SLC1A3: variants seen among roughly 807,000 people sequenced by gnomAD.
SLC1A3 encodes the protein solute carrier family 1 member 3, also known as excitatory amino acid transporter 1.
SLC1A3 carries 21 observed loss-of-function variants against 48.1 expected under a neutral mutation model. The ratio of observed to expected loss-of-function variants is 0.44; its 90% CI spans 0.31 to 0.63. The LOEUF is 0.63. Ranked by LOEUF, SLC1A3 falls within the 20% of genes least tolerant of loss-of-function variation. SLC1A3 has a pLI of 0.08. For missense variants in SLC1A3, 546 were observed against 689.0 expected, an observed-to-expected ratio of 0.79 and a Z score of 2.32; for synonymous variants, 239 against 251.4, an observed-to-expected ratio of 0.95 and a Z score of 0.47.
At chr5:36,600,256 G>A (rs1323694406) in intron 1 of SLC1A3, among the ~76,000 whole-genome samples, 3 of 152,076 alleles carry the variant, frequency 2.0e-5, no homozygotes, top group African/African-American at 7.3e-5. Flanking sequence ...CAGGTTTAGA[G>A]CTGATGTGTC....
chr5:36,631,571 C>T (rs184011484), intron 3 of SLC1A3, among the ~76,000 whole-genome samples: 5 of 152,276 alleles, frequency 3.3e-5, no homozygotes, highest in Admixed American at 3.3e-4. Flanking sequence ...ACTTTTAAAA[C>T]TGTAACCTAA....
intron 2 of SLC1A3, among the ~76,000 whole-genome samples, chr5:36,610,345 A>C (rs1739143011): frequency 6.6e-6 from 1 of 152,222 alleles, no homozygotes; most frequent in Non-Finnish European, 1.5e-5. Flanking sequence ...AAGAAAACTT[A>C]CAGTTCTCCT....
At chr5:36,632,142 G>A (rs1037668235) in intron 3 of SLC1A3, among the ~76,000 whole-genome samples, 1 of 152,144 alleles carries the variant, frequency 6.6e-6, no homozygotes, top group Non-Finnish European at 1.5e-5. Context: ...AACGGAGAGG[G>A]ACCCAACTAC....
chr5:36,623,578 G>A (rs951766934), intron 2 of SLC1A3, among the ~76,000 whole-genome samples: 7 of 151,806 alleles, frequency 4.6e-5, no homozygotes, highest in Non-Finnish European at 8.8e-5. Context: ...GGTTGTGGCC[G>A]GGAGAGGTGG....
chr5:36,668,557 TC>T (rs1390472738), intron 3 of SLC1A3: 3 of 152,156 alleles, frequency 2.0e-5, no homozygotes, highest in Non-Finnish European at 2.9e-5. Flanking sequence ...TGAATATACC[TC>T]CCTTACCTTT....
intron 3 of SLC1A3, 84 bp downstream of exon 3, chr5:36,629,671 G>T: frequency 3.4e-6 from 4 of 1,183,508 alleles, no homozygotes; most frequent in Non-Finnish European, 3.8e-6. Flanking sequence ...AGTGCTTTAG[G>T]TTTCTGCTGG....
intron 2 of SLC1A3, chr5:36,613,486 T>C (rs1367641219): frequency 6.6e-6 from 1 of 152,312 alleles, no homozygotes; most frequent in Non-Finnish European, 1.5e-5. Flanking sequence ...TGAACTGACC[T>C]GGTAGTGGGA....
At chr5:36,640,328 C>G (rs1309621423) in intron 3 of SLC1A3, among the ~76,000 whole-genome samples, 1 of 152,196 alleles carries the variant, frequency 6.6e-6, no homozygotes. Context: ...TGGTGAAGAT[C>G]CTTGCAATAA....
chr5:36,660,345 T>G (rs1379626709), intron 3 of SLC1A3, among the ~76,000 whole-genome samples: 1 of 152,208 alleles, frequency 6.6e-6, no homozygotes, highest in Non-Finnish European at 1.5e-5. Context: ...TCTTGTATAA[T>G]TTTTGGGATT....
At chr5:36,598,158 A>T (rs1378518462) in intron 1 of SLC1A3, among the ~76,000 whole-genome samples, 2 of 152,220 alleles carry the variant, frequency 1.3e-5, no homozygotes, top group Admixed American at 1.3e-4. Context: ...GTGCAAGCGG[A>T]CTAGGGTAGA....
At chr5:36,598,399 C>T (rs1209923372) in intron 1 of SLC1A3, among the ~76,000 whole-genome samples, 1 of 152,060 alleles carries the variant, frequency 6.6e-6, no homozygotes, top group African/African-American at 2.4e-5. Flanking sequence ...TTACCATTAG[C>T]CATAAACTTC....
intron 2 of SLC1A3, among the ~76,000 whole-genome samples, chr5:36,618,037 G>C (rs917736232): frequency 1.6e-4 from 24 of 152,190 alleles, no homozygotes; most frequent in Non-Finnish European, 2.9e-4. Flanking sequence ...CTCTGCCAAA[G>C]GTAAGCATGA....
At chr5:36,651,114 A>G (rs1741042456) in intron 3 of SLC1A3, among the ~76,000 whole-genome samples, 1 of 147,442 alleles carries the variant, frequency 6.8e-6, no homozygotes, top group African/African-American at 2.5e-5. Flanking sequence ...GATGTGATAT[A>G]TAAGAGTAGG....
intron 1 of SLC1A3, among the ~76,000 whole-genome samples, chr5:36,599,201 A>G (rs373375259): frequency 3.3e-5 from 5 of 152,324 alleles, no homozygotes; most frequent in South Asian, 4.1e-4. Context: ...AATGAATACT[A>G]TCATTCCCGG....
intron 2 of SLC1A3, 23 bp from the exon 3 acceptor site, chr5:36,629,427 C>CT (rs78316512): frequency 0.13 from 179,232 of 1,372,978 alleles, 1,553 homozygotes; most frequent in East Asian, 0.25. Context: ...TTTTCTTTTT[C>CT]TTTTTTTTTT....
At chr5:36,600,880 T>C (rs1174079273) in intron 1 of SLC1A3, among the ~76,000 whole-genome samples, 1 of 152,236 alleles carries the variant, frequency 6.6e-6, no homozygotes, top group East Asian at 1.9e-4. Context: ...TTGCATCCAA[T>C]GTCCAAAAGT....
At chr5:36,623,906 C>T (rs1189066305) in intron 2 of SLC1A3, among the ~76,000 whole-genome samples, 2 of 151,416 alleles carry the variant, frequency 1.3e-5, no homozygotes, top group Non-Finnish European at 2.9e-5. Flanking sequence ...ACTGGTCATG[C>T]TACGTCTCCT....
intron 2 of SLC1A3, among the ~76,000 whole-genome samples, chr5:36,624,469 C>A (rs1739822018): frequency 6.6e-6 from 1 of 152,194 alleles, no homozygotes; most frequent in South Asian, 2.1e-4. Context: ...GTGGCGCCAG[C>A]CTGCCAGCTG....
chr5:36,646,479 T>A (rs1021957964), intron 3 of SLC1A3, among the ~76,000 whole-genome samples: 2 of 152,228 alleles, frequency 1.3e-5, no homozygotes, highest in East Asian at 3.9e-4. Flanking sequence ...CTGCCCACTG[T>A]AGTTGGACAA....
Sources: allele counts gnomAD v4.1 joint callset (sites outside exome capture counted in the v4.1 genomes callset), GRCh38; gene constraint gnomAD v4.1.1; transcripts MANE v1.5; gene names NCBI Gene and HGNC (gene_info 2026-07-23, HGNC 2026-07-21).